TP63: variants seen among roughly 807,000 people sequenced by gnomAD.
The protein encoded by TP63 is tumor protein p63.
Under a neutral mutation model 82.8 loss-of-function variants are expected in TP63, and 17 were observed. That is an observed-to-expected ratio of 0.21 (90% CI 0.14 to 0.31). The LOEUF is 0.31. Ranked by LOEUF, TP63 falls within the 10% of genes least tolerant of loss-of-function variation. TP63 has a pLI of 1.00. For synonymous variants in TP63, 330 were observed against 321.7 expected, an observed-to-expected ratio of 1.03 and a Z score of -0.28; for missense variants, 648 against 895.3, an observed-to-expected ratio of 0.72 and a Z score of 3.52.
intron 3 of TP63, among the ~76,000 whole-genome samples, chr3:189,756,863 TGACAAAGTTGAAGAG>T (rs1416695896): frequency 6.6e-6 from 1 of 152,158 alleles, no homozygotes; most frequent in African/African-American, 2.4e-5. Flanking sequence ...GCATTAGGAA[TGACAAAGTTGAAGAG>T]GGCAGATAAA....
At chr3:189,864,924 G>A (rs1717515714) in intron 5 of TP63, among the ~76,000 whole-genome samples, 1 of 151,964 alleles carries the variant, frequency 6.6e-6, no homozygotes, top group Non-Finnish European at 1.5e-5. Flanking sequence ...GGAGAATGGT[G>A]TGAACCCAGG....
At chr3:189,833,929 A>G (rs1712736109) in intron 4 of TP63, among the ~76,000 whole-genome samples, 1 of 152,212 alleles carries the variant, frequency 6.6e-6, no homozygotes, top group Non-Finnish European at 1.5e-5. Flanking sequence ...TTCTTTTGAA[A>G]AGTGCATAGG....
chr3:189,774,205 A>G (rs1025847071), intron 3 of TP63, among the ~76,000 whole-genome samples: 1 of 152,162 alleles, frequency 6.6e-6, no homozygotes, highest in Non-Finnish European at 1.5e-5. Context: ...TACAGGCGTG[A>G]GCCACCACGC....
intron 3 of TP63, among the ~76,000 whole-genome samples, chr3:189,757,716 C>T (rs1248091918): frequency 6.6e-6 from 1 of 152,120 alleles, no homozygotes; most frequent in Non-Finnish European, 1.5e-5. Flanking sequence ...ATGAGCAGGA[C>T]AGGAGAGGGC....
intron 1 of TP63, among the ~76,000 whole-genome samples, chr3:189,634,755 C>T (rs1044856367): frequency 6.6e-6 from 1 of 151,892 alleles, no homozygotes; most frequent in South Asian, 2.1e-4. Flanking sequence ...TCAGTGGGTT[C>T]GTTACCATTA....
At chr3:189,850,823 T>C (rs1191185502) in intron 4 of TP63, among the ~76,000 whole-genome samples, 1 of 152,158 alleles carries the variant, frequency 6.6e-6, no homozygotes, top group Admixed American at 6.5e-5. Flanking sequence ...AATAAAATTC[T>C]TTTTTTATAA....
At position 189,864,242 on chromosome 3, in the gene TP63, A is replaced by G; in HGVS notation, c.590A>G (p.Glu197Gly). The part of the protein sequence containing the change: ...AKSATWTYST[E>G]LKKLYCQIAK... Reference sequence around the variant, plus strand: ...CCCAACTCTAAGCAGTATTCCACTGAACTGAAGAAACTCTACTGCCAAATT... The same window carrying G: ...CCCAACTCTAAGCAGTATTCCACTGGACTGAAGAAACTCTACTGCCAAATT... Residue 197 changes from glutamate (E) to glycine (G), a missense_variant, in exon 5 of 14, where the codon GAA (glutamate) becomes GGA (glycine). Physicochemically the swap from Glu to Gly is moderately conservative, Grantham distance 98. Transcript: ENST00000264731. 1 of 1,614,150 alleles carries G rather than the reference A, an allele frequency of 6.2e-7. No homozygotes were observed. Among genetic ancestry groups the G allele is most frequent in the Non-Finnish European group, 8.5e-7 (1 of 1,180,002 alleles).
At chr3:189,739,907 G>A (rs969797594) in intron 3 of TP63, among the ~76,000 whole-genome samples, 4 of 151,860 alleles carry the variant, frequency 2.6e-5, no homozygotes, top group African/African-American at 9.7e-5. Context: ...ATCTGTTGAC[G>A]AGATTAAGGG....
chr3:189,890,849 C>A lies in TP63; in HGVS notation c.1713C>A (p.Thr571=). The A allele has an allele frequency of 1.2e-6, 2 of 1,614,090 alleles. No homozygotes were observed. The highest frequency in any genetic ancestry group is 1.7e-6 in the Non-Finnish European group (2 of 1,179,974). ...ACTATTTCACGACCCAGGGGCTGAC[C>A]ACCATCTATCAGATTGAGCATTACT... is the stretch of plus-strand genomic sequence containing the variant. ...CLDYFTTQGL[T]TIYQIEHYSM... The change falls in exon 13 of 14, where the codon ACC becomes ACA. Residue 571 remains threonine (T), a synonymous_variant. Coordinates refer to ENST00000264731, the MANE Select transcript of TP63 (RefSeq NM_003722.5).
chr3:189,894,148 T>G, intron 13 of TP63, 58 bp from the exon 14 acceptor site: 1 of 1,605,016 alleles, frequency 6.2e-7, no homozygotes, highest in South Asian at 1.1e-5. Flanking sequence ...TGCTGTGGAC[T>G]AAATGTCCGT....
intron 3 of TP63, among the ~76,000 whole-genome samples, chr3:189,772,208 C>T (rs1222698369): frequency 6.6e-6 from 1 of 152,272 alleles, no homozygotes; most frequent in East Asian, 1.9e-4. Context: ...TTCTTCATAA[C>T]CTAATGCTCT....
rs1257383101 is a variant in TP63, at chr3:189,849,967, A to G, written c.580-14265A>G. Among the ~76,000 whole-genome samples, 5 of 152,278 alleles carry G rather than the reference A, an allele frequency of 3.3e-5. No individual in the cohort carries two copies. The East Asian group carries it at 7.7e-4, about 24-fold the overall frequency. On this transcript the variant is annotated intron_variant, in intron 4 of 13. Transcript: ENST00000264731. ...TGGTGCTACTCATAATAATTTATGT[A>G]TTAAACATTTTAAGTGAGAAATATT...
At chr3:189,851,717 T>C (rs780600286) in intron 4 of TP63, among the ~76,000 whole-genome samples, 9 of 152,266 alleles carry the variant, frequency 5.9e-5, no homozygotes, top group Middle Eastern at 3.4e-3. Context: ...ATAGTTGAGT[T>C]GGCACCAACC....
the TP63 span, among the ~76,000 whole-genome samples, chr3:189,609,231 A>T: frequency 6.6e-6 from 1 of 152,130 alleles, no homozygotes; most frequent in Non-Finnish European, 1.5e-5. Flanking sequence ...TTCATGTAAC[A>T]TAGACAAATT....
chr3:189,746,508 GAAAA>G (rs1721388617), intron 3 of TP63, among the ~76,000 whole-genome samples: 1 of 150,958 alleles, frequency 6.6e-6, no homozygotes, highest in African/African-American at 2.4e-5. Context: ...TAAAAACAAA[GAAAA>G]GTCTCAAATG....
intron 1 of TP63, among the ~76,000 whole-genome samples, chr3:189,717,740 A>T (rs1174489870): frequency 6.6e-6 from 1 of 152,224 alleles, no homozygotes; most frequent in Non-Finnish European, 1.5e-5. Context: ...TCTGTGCTGC[A>T]TAAGCCCTTT....
At chr3:189,880,253 G>A in intron 10 of TP63, 2 of 1,506,828 alleles carry the variant, frequency 1.3e-6, no homozygotes, top group South Asian at 2.9e-5. Context: ...GTGTATGTGT[G>A]TGCGTGTGTA....
the TP63 span, among the ~76,000 whole-genome samples, chr3:189,615,154 C>G: frequency 2.0e-5 from 3 of 152,224 alleles, no homozygotes; most frequent in African/African-American, 7.2e-5. Flanking sequence ...AACTCCCTTT[C>G]TGGCCTCGTA....
chr3:189,631,320 C>T, upstream of TP63: 23 of 1,405,150 alleles, frequency 1.6e-5, no homozygotes, highest in Non-Finnish European at 2.1e-5. Flanking sequence ...TGATGAATCT[C>T]ATTGGCTAAA....
Sources: gnomAD v4.1 joint callset for allele counts (sites outside exome capture counted in the v4.1 genomes callset) on GRCh38, gnomAD v4.1.1 for gene constraint, MANE v1.5 for transcripts, NCBI Gene and HGNC (gene_info 2026-07-23, HGNC 2026-07-21) for gene names.